The following GRIK5 variants were observed in gnomAD, a reference collection of about 807,000 sequenced individuals.
The protein encoded by GRIK5 is glutamate ionotropic receptor kainate type subunit 5, also known as glutamate receptor ionotropic, kainate 5.
Under a neutral mutation model 97.4 loss-of-function variants are expected in GRIK5, and 43 were observed. The ratio of observed to expected loss-of-function variants is 0.44; its 90% confidence interval spans 0.35 to 0.57. GRIK5 has a LOEUF of 0.57. Ranked by LOEUF, GRIK5 falls within the 20% of genes least tolerant of loss-of-function variation. GRIK5 has a pLI of 0.01. For synonymous variants in GRIK5, 580 were observed against 583.5 expected, an observed-to-expected ratio of 0.99 and a Z score of 0.09; for missense variants, 1,015 against 1,382.0, an observed-to-expected ratio of 0.73 and a Z score of 4.21.
At chr19:42,048,142 T>C (rs541898808) in intron 11 of GRIK5, among the ~76,000 whole-genome samples, 3 of 152,194 alleles carry the variant, frequency 2.0e-5, no homozygotes, top group African/African-American at 7.2e-5. Flanking sequence ...ATACACGGAA[T>C]TCTTAAATTC....
chr19:42,069,148 G>T (rs1001410872), intron 1 of GRIK5, 93 bp downstream of exon 1: 3 of 402,716 alleles, frequency 7.4e-6, no homozygotes, highest in Non-Finnish European at 1.3e-5. Flanking sequence ...TCCGGAGAAC[G>T]GGGAGAATGT....
At chr19:42,054,202 G>T in intron 9 of GRIK5, 118 bp downstream of exon 9, 1 of 1,082,468 alleles carries the variant, frequency 9.2e-7, no homozygotes, top group Non-Finnish European at 1.4e-6. Context: ...GGACAGGGGA[G>T]GCAGTGGGTA....
chr19:42,013,620 C>T (rs1404073540), intron 15 of GRIK5, among the ~76,000 whole-genome samples: 5 of 151,996 alleles, frequency 3.3e-5, no homozygotes, highest in Admixed American at 2.0e-4. Context: ...CCATGTTAGC[C>T]AGGACGGTCT....
At chr19:42,045,927 A>C (rs2076037886) in intron 11 of GRIK5, among the ~76,000 whole-genome samples, 2 of 152,208 alleles carry the variant, frequency 1.3e-5, no homozygotes, top group Non-Finnish European at 2.9e-5. Flanking sequence ...GACTGAGCTC[A>C]AGTGGACAGA....
chr19:42,025,491 C>T (rs2075760075), intron 12 of GRIK5, among the ~76,000 whole-genome samples: 1 of 152,098 alleles, frequency 6.6e-6, no homozygotes, highest in South Asian at 2.1e-4. Flanking sequence ...CCTTGAACCT[C>T]TGGCCAATAT....
intron 9 of GRIK5, 54 bp from the exon 10 acceptor site, chr19:42,053,983 CAGGGAAGG>C: frequency 8.2e-7 from 1 of 1,219,846 alleles, no homozygotes; most frequent in Non-Finnish European, 1.2e-6. Flanking sequence ...CAGAGATGGG[CAGGGAAGG>C]CCCAACGTGG....
At chr19:42,013,180 C>T (rs2075583894) in intron 15 of GRIK5, among the ~76,000 whole-genome samples, 1 of 146,946 alleles carries the variant, frequency 6.8e-6, no homozygotes, top group African/African-American at 2.5e-5. Context: ...AAAGTAAGAA[C>T]TCTCTACAAA....
At chr19:42,043,922 A>G (rs2076011139) in intron 11 of GRIK5, among the ~76,000 whole-genome samples, 1 of 152,166 alleles carries the variant, frequency 6.6e-6, no homozygotes, top group South Asian at 2.1e-4. Flanking sequence ...ATAAAATAAC[A>G]TAAATGTTAG....
At chr19:42,066,955 A>G (rs2076342530) in intron 1 of GRIK5, among the ~76,000 whole-genome samples, 1 of 152,030 alleles carries the variant, frequency 6.6e-6, no homozygotes, top group Admixed American at 6.6e-5. Flanking sequence ...AGAAGAAGTA[A>G]AGGGGGAGAT....
Position 42,054,385 on chromosome 19 carries a change from G to C in GRIK5, c.991C>G (p.Pro331Ala), listed in dbSNP as rs1305011118. Reference sequence around the variant, plus strand: ...ATGTTGGCCGATGTACAGGCCAGAGGCTTCACACCGATCTCCTGGCTGCGG... The same window carrying C: ...ATGTTGGCCGATGTACAGGCCAGAGCCTTCACACCGATCTCCTGGCTGCGG... ...LNRSQEIGVK[P>A]LACTSANIWP... is the part of the protein sequence containing the mutation. The change falls in exon 9 of 20, where the codon CCT becomes GCT. Residue 331 changes from proline to alanine, a missense_variant. By Grantham distance (27) the Pro-to-Ala change is conservative. Transcript: ENST00000593562. The C allele has an allele frequency of 1.9e-6, 3 of 1,613,596 alleles. No individual in the cohort carries two copies. The highest frequency in any genetic ancestry group is 2.5e-6 in the Non-Finnish European group (3 of 1,180,006).
chr19:42,026,611 C>A (rs184327296), intron 12 of GRIK5, among the ~76,000 whole-genome samples: 1 of 150,962 alleles, frequency 6.6e-6, no homozygotes, highest in Admixed American at 6.6e-5. Context: ...ACTTGTCACC[C>A]AGGCTGGAGT....
chr19:42,062,766 C>A lies in GRIK5; in HGVS notation c.334G>T (p.Glu112Ter). 1 of 1,613,824 alleles carries A rather than the reference C, an allele frequency of 6.2e-7. No homozygotes were observed. The highest frequency in any genetic ancestry group is 1.3e-5 in the African/African-American group (1 of 75,038). Residue 112 changes from glutamate (E) to a stop codon, truncating the protein, a stop_gained, in exon 4 of 20, where the codon GAG becomes TAG. Coordinates refer to ENST00000593562, the MANE Select transcript of GRIK5 (RefSeq NM_002088.5). LOFTEE classifies it high-confidence loss of function. This position sits in a 1 kb window ranked among gnomAD's most constrained non-coding sequence, Gnocchi z 5.3. ...CACACTCCCCATCTCACCTCCTTCT[C>A]TCCACAGATATGGCTCACGGTGGAG... ...SASTVSHICG[E>*]KEIPHIKVGP...
chr19:42,008,474 A>G (rs568184486), intron 15 of GRIK5, among the ~76,000 whole-genome samples: 1 of 152,324 alleles, frequency 6.6e-6, no homozygotes, highest in South Asian at 2.1e-4. Context: ...TAAAAATACA[A>G]AAATTAGCTG....
intron 15 of GRIK5, among the ~76,000 whole-genome samples, chr19:42,010,329 G>C (rs568890123): frequency 6.6e-6 from 1 of 152,178 alleles, no homozygotes; most frequent in South Asian, 2.1e-4. Flanking sequence ...ATAAACCCCA[G>C]GTAGGCTAAA....
rs1392369549 is a variant in GRIK5, at chr19:41,999,917, C to T, written c.2515-618G>A. ...GACAGGACAGTCAAGGAAGACCTCA[C>T]TGAGAGAAGGATCCTTAAATAAAGA... On this transcript the variant is annotated intron_variant, in intron 19 of 19. Coordinates refer to ENST00000593562, the MANE Select transcript of GRIK5 (RefSeq NM_002088.5). This position sits in a 1 kb window ranked among gnomAD's most constrained non-coding sequence, Gnocchi z 5.0. Among the ~76,000 whole-genome samples the T allele has an allele frequency of 2.0e-5, 3 of 152,184 alleles. No homozygotes were observed. Among genetic ancestry groups the T allele is most frequent in the Admixed American group, 6.5e-5 (1 of 15,282 alleles).
chr19:42,010,227 G>C (rs1555873705), intron 15 of GRIK5, among the ~76,000 whole-genome samples: 1 of 152,134 alleles, frequency 6.6e-6, no homozygotes, highest in Non-Finnish European at 1.5e-5. Flanking sequence ...AAAGAGAGGA[G>C]AGAAAGGGAT....
intron 19 of GRIK5, among the ~76,000 whole-genome samples, chr19:42,001,576 C>A (rs1415392213): frequency 6.6e-6 from 1 of 152,190 alleles, no homozygotes; most frequent in Non-Finnish European, 1.5e-5. Flanking sequence ...CACTTGGCCA[C>A]CTCCAGAAAC....
At chr19:42,029,127 G>A (rs1401872343) in intron 12 of GRIK5, among the ~76,000 whole-genome samples, 1 of 152,042 alleles carries the variant, frequency 6.6e-6, no homozygotes, top group Non-Finnish European at 1.5e-5. Flanking sequence ...GAGTGCAGTG[G>A]CGCAATCTCA....
At chr19:42,034,253 G>A (rs2075874936) in intron 12 of GRIK5, among the ~76,000 whole-genome samples, 1 of 152,160 alleles carries the variant, frequency 6.6e-6, no homozygotes, top group East Asian at 1.9e-4. Context: ...CCCAGCTACT[G>A]GGAAAGCTGA....
Sources: gnomAD v4.1 joint callset for allele counts (sites outside exome capture counted in the v4.1 genomes callset) on GRCh38, gnomAD v4.1.1 for gene constraint, Gnocchi (gnomAD v3.1) non-coding constraint, MANE v1.5 for transcripts, NCBI Gene and HGNC (gene_info 2026-07-23, HGNC 2026-07-21) for gene names.